Variants in GNA14 observed in about 807,000 individuals in gnomAD.
GNA14 encodes the protein guanine nucleotide-binding protein subunit alpha-14.
Under a neutral mutation model 42.0 loss-of-function variants are expected in GNA14, and 50 were observed. The observed-to-expected ratio is 1.19, with a 90% CI of 0.95 to 1.51. GNA14 has a LOEUF of 1.51. Among genes scored for constraint, GNA14 ranks in the 40% most tolerant of loss-of-function variants. The pLI is 0.00. For missense variants in GNA14, 473 were observed against 446.2 expected, an observed-to-expected ratio of 1.06 and a Z score of -0.54; for synonymous variants, 173 against 163.1, an observed-to-expected ratio of 1.06 and a Z score of -0.46.
intron 1 of GNA14, among the ~76,000 whole-genome samples, chr9:77,542,242 CA>C (rs1209521608): frequency 6.6e-5 from 10 of 152,054 alleles, no homozygotes; most frequent in Non-Finnish European, 1.5e-4. Flanking sequence ...ATATATATGG[CA>C]CTATGGCTTT....
chr9:77,480,058 AT>A (rs1836515413), intron 2 of GNA14, among the ~76,000 whole-genome samples: 1 of 152,106 alleles, frequency 6.6e-6, no homozygotes, highest in Admixed American at 6.6e-5. Flanking sequence ...CTCCTGCCTG[AT>A]TGCCCTGGCC....
At chr9:77,481,648 G>A (rs1167217011) in intron 2 of GNA14, among the ~76,000 whole-genome samples, 2 of 152,132 alleles carry the variant, frequency 1.3e-5, no homozygotes. Flanking sequence ...TGACAGTGGG[G>A]TGTTAAAGTC....
intron 2 of GNA14, among the ~76,000 whole-genome samples, chr9:77,524,205 A>G (rs759776767): frequency 2.6e-5 from 4 of 152,246 alleles, no homozygotes; most frequent in African/African-American, 7.2e-5. Flanking sequence ...CAGGCAAGGT[A>G]TAAGAAAAAA....
chr9:77,591,496 C>T (rs550374320), intron 1 of GNA14, among the ~76,000 whole-genome samples: 42 of 152,314 alleles, frequency 2.8e-4, no homozygotes, highest in African/African-American at 7.7e-4. Context: ...TGGTCCCTCC[C>T]TCTCTAGCTG....
intron 2 of GNA14, among the ~76,000 whole-genome samples, chr9:77,449,106 A>C (rs1045361441): frequency 8.5e-5 from 13 of 152,234 alleles, no homozygotes; most frequent in Non-Finnish European, 1.5e-4. Flanking sequence ...GTTAGATACA[A>C]AAATACCATT....
chr9:77,525,827 C>T (rs769877), intron 2 of GNA14, among the ~76,000 whole-genome samples: 2 of 149,192 alleles, frequency 1.3e-5, no homozygotes, highest in African/African-American at 2.5e-5. Flanking sequence ...CGTGAGCCAC[C>T]GCACCCGGCC....
At chr9:77,513,292 G>A (rs1052949893) in intron 2 of GNA14, among the ~76,000 whole-genome samples, 2 of 152,192 alleles carry the variant, frequency 1.3e-5, no homozygotes, top group Admixed American at 6.5e-5. Flanking sequence ...GCTCTGCCTG[G>A]GACGTCAGGC....
rs75040213 is a variant in GNA14 at position 77,449,433 on chromosome 9, T to G, written c.310-14911A>C. Among the ~76,000 whole-genome samples the G allele has an allele frequency of 8.0e-3, 1,212 of 152,378 alleles. 17 individuals are homozygous for G. Among genetic ancestry groups the G allele is most frequent in the African/African-American group, 0.027 (1,109 of 41,582 alleles). ...ATTTTCCCCATTTCTTTTTTCTTCT[T>G]TATAACTTCCTTAAGCAAGCCATGT... On this transcript the variant is annotated intron_variant, in intron 2 of 6. Coordinates refer to ENST00000341700, the MANE Select transcript of GNA14 (RefSeq NM_004297.4).
At chr9:77,426,665 G>A (rs1324026900) in intron 5 of GNA14, among the ~76,000 whole-genome samples, 1 of 152,230 alleles carries the variant, frequency 6.6e-6, no homozygotes, top group Non-Finnish European at 1.5e-5. Flanking sequence ...GGGGAAGGTT[G>A]TGTAGAAAGA....
At chr9:77,430,279 A>G in intron 4 of GNA14, among the ~76,000 whole-genome samples, 1 of 152,232 alleles carries the variant, frequency 6.6e-6, no homozygotes, top group East Asian at 1.9e-4. Context: ...TCACTGGTGG[A>G]TGATGTTAAA....
At chr9:77,623,622 A>G (rs1472065278) in intron 1 of GNA14, among the ~76,000 whole-genome samples, 1 of 152,168 alleles carries the variant, frequency 6.6e-6, no homozygotes, top group Non-Finnish European at 1.5e-5. Flanking sequence ...ACGGAGAGTG[A>G]GCCAAAGCAG....
At chr9:77,603,905 C>G (rs1327795824) in intron 1 of GNA14, among the ~76,000 whole-genome samples, 3 of 129,606 alleles carry the variant, frequency 2.3e-5, no homozygotes, top group African/African-American at 8.9e-5. Context: ...GATTGCACCA[C>G]TGCACTCCAG....
At chr9:77,601,249 G>A (rs953985797) in intron 1 of GNA14, among the ~76,000 whole-genome samples, 1 of 152,004 alleles carries the variant, frequency 6.6e-6, no homozygotes, top group African/African-American at 2.4e-5. Flanking sequence ...CCTTCAATGT[G>A]TCTGTGTGCC....
Position 77,515,873 on chromosome 9 carries a change from T to C in GNA14, c.309+13196A>G, listed in dbSNP as rs118075228. On this transcript the variant is annotated intron_variant, in intron 2 of 6. Transcript: ENST00000341700. Reference sequence around the variant, plus strand: ...CAGTTAGGAGGCTGAAGTGGGAGGATTGCTTAAGCCTGGGAGGTCGAGGTT... The same window carrying C: ...CAGTTAGGAGGCTGAAGTGGGAGGACTGCTTAAGCCTGGGAGGTCGAGGTT... Among the ~76,000 whole-genome samples the C allele has an allele frequency of 9.8e-3, 1,437 of 147,276 alleles. 13 individuals carry two copies. Among genetic ancestry groups the C allele is most frequent in the Non-Finnish European group, 0.016 (1,096 of 67,374 alleles).
At chr9:77,634,297 A>C (rs771609164) in intron 1 of GNA14, among the ~76,000 whole-genome samples, 3 of 152,000 alleles carry the variant, frequency 2.0e-5, no homozygotes, top group Non-Finnish European at 4.4e-5. Flanking sequence ...ATGCACCTGC[A>C]GTCCCAGCTA....
At chr9:77,618,284 T>C (rs73462075) in intron 1 of GNA14, among the ~76,000 whole-genome samples, 2,617 of 152,134 alleles carry the variant, frequency 0.017, 92 homozygotes, top group African/African-American at 0.06. Context: ...CTTAAAATGT[T>C]TTCTCCGTGC....
chr9:77,617,461 C>G (rs1823841878), intron 1 of GNA14, among the ~76,000 whole-genome samples: 1 of 152,070 alleles, frequency 6.6e-6, no homozygotes, highest in South Asian at 2.1e-4. Context: ...CAAATCTAAC[C>G]AATTTGATCA....
intron 2 of GNA14, among the ~76,000 whole-genome samples, chr9:77,482,257 T>C (rs548043055): frequency 6.6e-6 from 1 of 152,290 alleles, no homozygotes; most frequent in South Asian, 2.1e-4. Flanking sequence ...GGTGACAAAA[T>C]CTCTCAGCAT....
At chr9:77,523,550 C>T (rs1459925690) in intron 2 of GNA14, among the ~76,000 whole-genome samples, 1 of 152,174 alleles carries the variant, frequency 6.6e-6, no homozygotes, top group Non-Finnish European at 1.5e-5. Context: ...TACAATTCAA[C>T]ATGAGATTTG....
Sources: gnomAD v4.1 joint callset for allele counts (sites outside exome capture counted in the v4.1 genomes callset) on GRCh38, gnomAD v4.1.1 for gene constraint, MANE v1.5 for transcripts, NCBI Gene and HGNC (gene_info 2026-07-23, HGNC 2026-07-21) for gene names.